NCAM2: variants seen among roughly 807,000 people sequenced by gnomAD.
The protein encoded by NCAM2 is neural cell adhesion molecule 2, also known as N-CAM-2.
In NCAM2, 30 loss-of-function variants were observed where a neutral mutation model predicts 98.1. The ratio of observed to expected loss-of-function variants is 0.31; its 90% confidence interval spans 0.23 to 0.41. The LOEUF is 0.41. Among genes scored for constraint, NCAM2 ranks in the 10% least tolerant of loss-of-function variants. The pLI is 1.00. For missense variants in NCAM2, 867 were observed against 1,005.8 expected (o/e 0.86, Z 1.87); for synonymous variants, 368 against 342.4 (o/e 1.07, Z -0.83).
chr21:21,242,952 A>G (rs958890879), intron 1 of NCAM2, among the ~76,000 whole-genome samples: 3 of 152,220 alleles, frequency 2.0e-5, no homozygotes, highest in African/African-American at 4.8e-5. Context: ...AAGAAAACAT[A>G]TAGGGAAAGA....
chr21:21,212,418 AGT>A lies in NCAM2; in HGVS notation c.56-68156_56-68155del, dbSNP rs1430081956. Among the ~76,000 whole-genome samples the A allele has an allele frequency of 2.6e-5, 4 of 152,192 alleles. No homozygotes were observed. The East Asian group carries it at 7.7e-4, about 29-fold the overall frequency. On this transcript the variant is annotated intron_variant, in intron 1 of 17. Transcript: ENST00000400546. ...CAGAGGGGCAAGTGAGAAGGAAATG[AGT>A]GTGAGTACAAAATGGCAAGAGAGAT...
chr21:21,410,372 A>G lies in NCAM2; in HGVS notation c.1294A>G (p.Ile432Val), dbSNP rs2076831069. Residue 432 changes from isoleucine (I) to valine (V), a missense_variant, in exon 10 of 18, where the codon ATT becomes GTT. Around this residue, in one of 5 missense-constraint regions of NCAM2, gnomAD observed 56 missense variants for 39.6 expected, o/e 1.41. Transcript: ENST00000400546. ...CDVKSNPPAS[I>V]HWRRDKLVLP... is the part of the protein sequence containing the mutation. ...TGTGAAATCGAATCCACCAGCATCA[A>G]TTCACTGGAGAAGAGATAAATTAGT... The G allele has an allele frequency of 5.0e-6, 8 of 1,602,048 alleles. No individual in the cohort carries two copies. The highest frequency in any genetic ancestry group is 2.3e-5 in the East Asian group (1 of 44,224).
intron 16 of NCAM2, among the ~76,000 whole-genome samples, chr21:21,509,940 A>G (rs1314990215): frequency 3.9e-5 from 6 of 152,160 alleles, no homozygotes; most frequent in Admixed American, 2.0e-4. Flanking sequence ...TTAAGAGTTC[A>G]GGACATTCCC....
chr21:21,333,110 A>G (rs1006164410), intron 6 of NCAM2, among the ~76,000 whole-genome samples: 1 of 152,150 alleles, frequency 6.6e-6, no homozygotes, highest in Non-Finnish European at 1.5e-5. Flanking sequence ...TTGACATTTC[A>G]TAGACATGGA....
chr21:21,438,182 G>A (rs892944630), intron 12 of NCAM2, among the ~76,000 whole-genome samples: 7 of 151,354 alleles, frequency 4.6e-5, no homozygotes, highest in Middle Eastern at 3.5e-3. Context: ...ACTTTTCCTT[G>A]GTAGTAAATA....
At chr21:21,405,964 C>G (rs1265047602) in intron 9 of NCAM2, among the ~76,000 whole-genome samples, 7 of 152,046 alleles carry the variant, frequency 4.6e-5, no homozygotes, top group African/African-American at 1.4e-4. Flanking sequence ...ACAAATTTTA[C>G]CAAAAGTAAC....
chr21:21,086,208 CTAA>C (rs1433418801), intron 1 of NCAM2, among the ~76,000 whole-genome samples: 3 of 152,112 alleles, frequency 2.0e-5, no homozygotes, highest in African/African-American at 7.2e-5. Context: ...GATGTGTCAC[CTAA>C]TATCACTGAT....
rs376209656 is a variant in NCAM2 at position 21,292,168 on chromosome 21, T to C, written c.546T>C (p.Gly182=). ...TCAACATCAATAAAAGTGATGAAGG[T>C]ATATACAGATGTGAAGGAAGAGTGG... is the stretch of plus-strand genomic sequence containing the variant. ...QILNINKSDE[G]IYRCEGRVEA... is the part of the protein sequence containing the mutation. The change falls in exon 5 of 18, where the codon GGT becomes GGC. Residue 182 remains glycine, a synonymous_variant. Transcript: ENST00000400546. 8 of 1,611,224 alleles carry C rather than the reference T, an allele frequency of 5.0e-6. No individual in the cohort carries two copies. The highest frequency in any genetic ancestry group is 6.8e-6 in the Non-Finnish European group (8 of 1,178,274).
intron 16 of NCAM2, among the ~76,000 whole-genome samples, chr21:21,526,027 C>T (rs1158295270): frequency 6.6e-6 from 1 of 152,008 alleles, no homozygotes; most frequent in Non-Finnish European, 1.5e-5. Context: ...TAAAAAACTA[C>T]AACTTACATC....
chr21:21,449,131 T>C (rs1200659004), intron 12 of NCAM2, among the ~76,000 whole-genome samples: 2 of 152,082 alleles, frequency 1.3e-5, no homozygotes, highest in Admixed American at 1.3e-4. Flanking sequence ...GCCTGGTCTC[T>C]GCTATATGTT....
chr21:21,411,697 G>T (rs766250374), intron 10 of NCAM2, among the ~76,000 whole-genome samples: 1 of 152,024 alleles, frequency 6.6e-6, no homozygotes, highest in East Asian at 1.9e-4. Context: ...AATTCAGTTT[G>T]CATAAGCTAA....
chr21:21,154,192 TG>T (rs2067539202), intron 1 of NCAM2, among the ~76,000 whole-genome samples: 2 of 151,790 alleles, frequency 1.3e-5, no homozygotes, highest in South Asian at 2.1e-4. Flanking sequence ...CAAATCCATA[TG>T]GGGGATTACA....
intron 1 of NCAM2, among the ~76,000 whole-genome samples, chr21:21,027,147 C>T (rs1048831149): frequency 7.9e-5 from 12 of 152,124 alleles, no homozygotes; most frequent in South Asian, 4.1e-4. Flanking sequence ...CGTGAGCCGC[C>T]GTGCCCGGCC....
rs201532023 is a variant in NCAM2, at chr21:21,533,166, C to CTTTTT, written c.2283-1362_2283-1358dup. On this transcript the variant is annotated intron_variant, in intron 16 of 17. Coordinates refer to ENST00000400546, the MANE Select transcript of NCAM2 (RefSeq NM_004540.5). ...CCATTGTAGATTTGTTGTTTGCTTGCTTTTTTTTTTTTTGGTAATCCTAGT... is the reference window on the plus strand; with the variant it reads ...CCATTGTAGATTTGTTGTTTGCTTGCTTTTTTTTTTTTTTTTTTGGTAATCCTAGT... 2.1e-5 allele frequency among the ~76,000 whole-genome samples: 2 copies of CTTTTT among 93,804 alleles called. 1 individual carries two copies. The highest frequency in any genetic ancestry group is 4.1e-5 in the Non-Finnish European group (2 of 48,248). 61.5% of individuals were successfully genotyped at this position (93,804 alleles called of 152,430 possible). A position where few individuals can be genotyped will look rare whatever the true frequency, so the allele number is the denominator to read the frequency against.
chr21:21,155,159 C>G (rs2067574375), intron 1 of NCAM2, among the ~76,000 whole-genome samples: 1 of 150,486 alleles, frequency 6.6e-6, no homozygotes, highest in Non-Finnish European at 1.5e-5. Context: ...TGGGGAGGAA[C>G]TATGATGGAT....
chr21:21,015,222 C>T (rs6518026), intron 1 of NCAM2, among the ~76,000 whole-genome samples: 87,232 of 152,116 alleles, frequency 0.57, 25,576 homozygotes, highest in East Asian at 0.82. Flanking sequence ...TTTGAGAAGA[C>T]TGACTTCAAT....
At chr21:21,203,788 T>C (rs547361903) in intron 1 of NCAM2, among the ~76,000 whole-genome samples, 38 of 152,260 alleles carry the variant, frequency 2.5e-4, no homozygotes, top group African/African-American at 8.9e-4. Flanking sequence ...TTAAAGTGTG[T>C]AGGTATTGAG....
intron 1 of NCAM2, among the ~76,000 whole-genome samples, chr21:21,265,406 ATGTGTATATATAATATATG>A (rs2072206550): frequency 2.4e-5 from 3 of 122,904 alleles, no homozygotes; most frequent in South Asian, 4.7e-4. Context: ...TATATTATAT[ATGTGTATATATAATATATG>A]TGTGTATATA....
chr21:21,113,889 C>A (rs1030103931), intron 1 of NCAM2, among the ~76,000 whole-genome samples: 3 of 151,996 alleles, frequency 2.0e-5, no homozygotes, highest in African/African-American at 7.3e-5. Context: ...GTTAGATAGT[C>A]TTTATTTCTA....
Sources: allele counts gnomAD v4.1 joint callset (sites outside exome capture counted in the v4.1 genomes callset), GRCh38; gene constraint gnomAD v4.1.1; regional missense constraint gnomAD v4.1.1; transcripts MANE v1.5; gene names NCBI Gene and HGNC (gene_info 2026-07-23, HGNC 2026-07-21).